Variants in KIAA1217 observed in about 807,000 individuals in gnomAD.
KIAA1217 encodes the protein KIAA1217.
KIAA1217 carries 88 observed loss-of-function variants against 163.9 expected under a neutral mutation model. The ratio of observed to expected loss-of-function variants is 0.54; its 90% CI spans 0.45 to 0.64. The LOEUF (loss-of-function observed/expected upper bound fraction) is 0.64, where lower values mean the gene tolerates loss of function less well. Among genes scored for constraint, KIAA1217 ranks in the 30% least tolerant of loss-of-function variants. The probability of loss-of-function intolerance (pLI) is 0.00; values close to 1 mark genes in which losing one functional copy is unlikely to be tolerated. For synonymous variants in KIAA1217, 903 were observed against 923.1 expected, an observed-to-expected ratio of 0.98 and a Z score of 0.39; for missense variants, 2,372 against 2,475.0, an observed-to-expected ratio of 0.96 and a Z score of 0.88.
At chr10:23,833,654 G>A (rs1838318688) in intron 1 of KIAA1217, among the ~76,000 whole-genome samples, 1 of 151,554 alleles carries the variant, frequency 6.6e-6, no homozygotes, top group South Asian at 2.1e-4. Context: ...CAATACTTCT[G>A]TCTCTAGTTT....
chr10:24,339,761 TTTATTA>T (rs1330491947), intron 2 of KIAA1217, among the ~76,000 whole-genome samples: 1 of 152,190 alleles, frequency 6.6e-6, no homozygotes, highest in Non-Finnish European at 1.5e-5. Flanking sequence ...CTCTGAGACT[TTTATTA>T]TTATCCACCA....
intron 2 of KIAA1217, among the ~76,000 whole-genome samples, chr10:24,312,386 C>T (rs879286157): frequency 2.0e-5 from 3 of 150,988 alleles, no homozygotes; most frequent in South Asian, 2.1e-4. Context: ...GAGGCCAAGG[C>T]GGCCGAATCA....
intron 2 of KIAA1217, among the ~76,000 whole-genome samples, chr10:24,200,288 A>G (rs1300994503): frequency 6.9e-6 from 1 of 145,140 alleles, no homozygotes; most frequent in Non-Finnish European, 1.5e-5. Flanking sequence ...AGCTCACTGC[A>G]CTCTCAAACT....
intron 2 of KIAA1217, among the ~76,000 whole-genome samples, chr10:24,355,629 T>C (rs2134105139): frequency 6.7e-6 from 1 of 148,572 alleles, no homozygotes; most frequent in East Asian, 2.1e-4. Flanking sequence ...TGGGGGGCAC[T>C]CACATTCAGT....
At chr10:24,150,558 A>G (rs961906070) in intron 2 of KIAA1217, among the ~76,000 whole-genome samples, 1 of 152,114 alleles carries the variant, frequency 6.6e-6, no homozygotes, top group East Asian at 1.9e-4. Context: ...CCCTTCTTCT[A>G]TTCTTTCAAT....
At chr10:24,217,031 CAAAAA>C (rs60303909) in intron 1 of KIAA1217, among the ~76,000 whole-genome samples, 3 of 21,320 alleles carry the variant, frequency 1.4e-4, no homozygotes, top group African/African-American at 6.5e-4. Flanking sequence ...GACCTTGTCT[CAAAAA>C]AAAAAAAAAA....
intron 5 of KIAA1217, among the ~76,000 whole-genome samples, chr10:24,448,205 G>A (rs2061108294): frequency 1.3e-5 from 2 of 152,138 alleles, no homozygotes; most frequent in East Asian, 1.9e-4. Context: ...ATTAAAATAA[G>A]TGTTCATCAG....
At chr10:24,188,804 G>C (rs1453259878) in intron 2 of KIAA1217, among the ~76,000 whole-genome samples, 1 of 152,140 alleles carries the variant, frequency 6.6e-6, no homozygotes, top group Non-Finnish European at 1.5e-5. Context: ...TGATTGATGA[G>C]TCAAAGCTTC....
At chr10:24,343,567 A>G (rs941306838) in intron 2 of KIAA1217, among the ~76,000 whole-genome samples, 5 of 152,232 alleles carry the variant, frequency 3.3e-5, no homozygotes, top group African/African-American at 4.8e-5. Context: ...TATTTTTCCC[A>G]TAGAAATTTA....
At chr10:23,748,501 A>G (rs1440354797) in intron 1 of KIAA1217, among the ~76,000 whole-genome samples, 2 of 120,036 alleles carry the variant, frequency 1.7e-5, no homozygotes. Flanking sequence ...AAGAAGGGAA[A>G]GGAGAGGAGA....
At chr10:24,042,301 G>A (rs1260088361) in intron 2 of KIAA1217, 1 of 149,980 alleles carries the variant, frequency 6.7e-6, no homozygotes, top group African/African-American at 2.5e-5. Context: ...AAACCCTCTC[G>A]CTTGGCTAGA....
chr10:24,221,364 G>A (rs888452217), intron 2 of KIAA1217, among the ~76,000 whole-genome samples: 9 of 151,928 alleles, frequency 5.9e-5, no homozygotes, highest in African/African-American at 1.9e-4. Flanking sequence ...TGTGACGGGT[G>A]GGGGTGGGAA....
intron 1 of KIAA1217, among the ~76,000 whole-genome samples, chr10:23,783,283 G>T (rs1835341644): frequency 6.6e-6 from 1 of 152,152 alleles, no homozygotes; most frequent in African/African-American, 2.4e-5. Flanking sequence ...CCTGCATGTG[G>T]CCCATGGGAC....
intron 3 of KIAA1217, among the ~76,000 whole-genome samples, chr10:24,422,505 T>C (rs2058814647): frequency 6.6e-6 from 1 of 152,236 alleles, no homozygotes; most frequent in African/African-American, 2.4e-5. Flanking sequence ...CTGATGTTGC[T>C]ACAAGTTCTG....
At chr10:24,153,200 A>G (rs1364091845) in intron 2 of KIAA1217, among the ~76,000 whole-genome samples, 1 of 152,186 alleles carries the variant, frequency 6.6e-6, no homozygotes, top group Non-Finnish European at 1.5e-5. Flanking sequence ...GGAAGCAAAT[A>G]ACTCTTCATA....
At position 23,753,903 on chromosome 10, in the gene KIAA1217, C is replaced by T. The variant is rs561235078; in HGVS notation, c.-321+58669C>T. On this transcript the variant is annotated intron_variant, in intron 1 of 18. Coordinates refer to the KIAA1217 transcript ENST00000376462. ...ACTTTGCCTTAAGATCTGGATTATT[C>T]TAACCCTCCTAGTCCTCCTGAGAAA... Among the ~76,000 whole-genome samples the T allele has an allele frequency of 1.4e-4, 21 of 152,288 alleles. 1 individual carries two copies. The highest frequency in any genetic ancestry group is 5.1e-4 in the African/African-American group (21 of 41,570).
chr10:24,336,100 G>T (rs1196092780), intron 2 of KIAA1217, among the ~76,000 whole-genome samples: 1 of 152,164 alleles, frequency 6.6e-6, no homozygotes, highest in Non-Finnish European at 1.5e-5. Flanking sequence ...CAATTAGCTG[G>T]GTGTAGTGGC....
chr10:23,817,002 T>C (rs1351280873), intron 1 of KIAA1217, among the ~76,000 whole-genome samples: 2 of 152,232 alleles, frequency 1.3e-5, no homozygotes, highest in Non-Finnish European at 2.9e-5. Flanking sequence ...CAATGAGCAG[T>C]GCAGAATATG....
intron 1 of KIAA1217, among the ~76,000 whole-genome samples, chr10:23,704,164 G>GTATATA (rs1353063268): frequency 1.7e-4 from 14 of 80,572 alleles, no homozygotes; most frequent in African/African-American, 8.3e-4. Flanking sequence ...GTGTGTGTGT[G>GTATATA]TGTGTGTGTA....
Sources: gnomAD v4.1 joint callset for allele counts (sites outside exome capture counted in the v4.1 genomes callset) on GRCh38, gnomAD v4.1.1 for gene constraint, MANE v1.5 for transcripts, NCBI Gene and HGNC (gene_info 2026-07-23, HGNC 2026-07-21) for gene names.